UNC5C: variants seen among roughly 807,000 people sequenced by gnomAD.
The protein encoded by UNC5C is netrin receptor UNC5C.
A neutral mutation model predicts 99.8 loss-of-function variants in UNC5C; 47 were observed. That is an observed-to-expected ratio of 0.47 (90% confidence interval 0.37 to 0.60). UNC5C has a LOEUF of 0.60. UNC5C is among the 20% of genes least tolerant of loss of function. The probability of loss-of-function intolerance (pLI) is 0.00; values close to 1 mark genes in which losing one functional copy is unlikely to be tolerated. For synonymous variants in UNC5C, 487 were observed against 452.2 expected, an observed-to-expected ratio of 1.08 and a Z score of -0.98; for missense variants, 1,062 against 1,165.9, an observed-to-expected ratio of 0.91 and a Z score of 1.30.
At chr4:95,192,339 ACCT>A (rs1737171920) in intron 12 of UNC5C, among the ~76,000 whole-genome samples, 1 of 42,994 alleles carries the variant, frequency 2.3e-5, no homozygotes, top group Non-Finnish European at 4.4e-5. Flanking sequence ...TCCCCTGCTC[ACCT>A]TCTCCCCTGC....
chr4:95,272,602 T>C (rs1422823246), intron 4 of UNC5C, among the ~76,000 whole-genome samples: 2 of 152,236 alleles, frequency 1.3e-5, no homozygotes, highest in African/African-American at 4.8e-5. Flanking sequence ...CTTTGGCGAA[T>C]GTTGATTGGA....
chr4:95,369,876 CT>C (rs1225234986), intron 1 of UNC5C, among the ~76,000 whole-genome samples: 1 of 151,422 alleles, frequency 6.6e-6, no homozygotes, highest in Admixed American at 6.6e-5. Flanking sequence ...GATAAAACTG[CT>C]TTTTGTAGCC....
intron 1 of UNC5C, among the ~76,000 whole-genome samples, chr4:95,408,894 C>A (rs1745901074): frequency 6.6e-6 from 1 of 152,166 alleles, no homozygotes; most frequent in African/African-American, 2.4e-5. Flanking sequence ...ATAATACCCC[C>A]TTTCACTTGG....
chr4:95,388,986 C>A (rs1339774994), intron 1 of UNC5C, among the ~76,000 whole-genome samples: 1 of 152,084 alleles, frequency 6.6e-6, no homozygotes, highest in Non-Finnish European at 1.5e-5. Context: ...TGCTATTTAA[C>A]ATTTTTTTCA....
chr4:95,523,762 T>A (rs1167395363), intron 1 of UNC5C, among the ~76,000 whole-genome samples: 1 of 152,170 alleles, frequency 6.6e-6, no homozygotes, highest in East Asian at 1.9e-4. Context: ...CACTTAGCAT[T>A]CCAATTACCA....
intron 4 of UNC5C, among the ~76,000 whole-genome samples, chr4:95,277,633 T>C (rs925671253): frequency 1.3e-5 from 2 of 152,236 alleles, no homozygotes; most frequent in Non-Finnish European, 2.9e-5. Flanking sequence ...GTGTTGCTAA[T>C]GAAAAGTCAT....
At chr4:95,175,613 G>A (rs1160247682) in intron 14 of UNC5C, among the ~76,000 whole-genome samples, 3 of 152,178 alleles carry the variant, frequency 2.0e-5, no homozygotes, top group Admixed American at 6.5e-5. Context: ...TGAGAGATCA[G>A]GTGTTAGTCT....
rs535044232 is a variant in UNC5C, at chr4:95,181,684, G to A, written c.2451+1213C>T. 1.4e-4 allele frequency among the ~76,000 whole-genome samples: 21 copies of A among 152,194 alleles called. No individual in the cohort carries two copies. In the South Asian group the frequency reaches 2.5e-3, roughly 18 times the overall value. ...GAGATCATTCCTTATGAATGTCACC[G>A]GGGGCTGTGACTAAAGTTGTTTATG... On this transcript the variant is annotated intron_variant, in intron 14 of 15. Transcript: ENST00000453304.
intron 1 of UNC5C, among the ~76,000 whole-genome samples, chr4:95,514,796 C>T (rs990397940): frequency 6.6e-6 from 1 of 151,920 alleles, no homozygotes; most frequent in South Asian, 2.1e-4. Context: ...CCTCAGCCTC[C>T]CAAGTAGCTG....
At chr4:95,441,549 C>T (rs1746950868) in intron 1 of UNC5C, among the ~76,000 whole-genome samples, 1 of 152,082 alleles carries the variant, frequency 6.6e-6, no homozygotes. Context: ...AGTTAGCACT[C>T]AATTTTTCTT....
chr4:95,301,832 A>G (rs1233510057), intron 2 of UNC5C, 83 bp from the exon 3 acceptor site: 2 of 1,507,530 alleles, frequency 1.3e-6, no homozygotes, highest in Non-Finnish European at 1.8e-6. Flanking sequence ...TTTTTCCCCC[A>G]GTCATCCCTT....
intron 7 of UNC5C, chr4:95,222,358 A>T: frequency 1.3e-6 from 1 of 743,602 alleles, no homozygotes; most frequent in Non-Finnish European, 2.0e-6. Context: ...GTTTAATTAA[A>T]AGGAAAAGAA....
intron 5 of UNC5C, among the ~76,000 whole-genome samples, chr4:95,247,042 TA>T (rs1739527794): frequency 7.4e-6 from 1 of 135,504 alleles, no homozygotes; most frequent in Admixed American, 7.5e-5. Flanking sequence ...CTGTCTCAAA[TA>T]AAAAAATAAA....
At chr4:95,218,137 A>G (rs1738329799) in intron 9 of UNC5C, among the ~76,000 whole-genome samples, 1 of 152,164 alleles carries the variant, frequency 6.6e-6, no homozygotes, top group African/African-American at 2.4e-5. Flanking sequence ...CACTTTAGGT[A>G]TTTACATTTT....
At chr4:95,260,971 T>G (rs775670292) in intron 4 of UNC5C, among the ~76,000 whole-genome samples, 4 of 152,162 alleles carry the variant, frequency 2.6e-5, no homozygotes, top group South Asian at 2.1e-4. Flanking sequence ...AGAAGAATGA[T>G]GCTCACAGAG....
At position 95,548,818 on chromosome 4, in the gene UNC5C, G is replaced by T. The variant is rs1313721643; in HGVS notation, c.40C>A (p.Leu14Met). The T allele has an allele frequency of 2.5e-6, 4 of 1,613,332 alleles. No individual in the cohort carries two copies. Among genetic ancestry groups the T allele is most frequent in the Non-Finnish European group, 3.4e-6 (4 of 1,179,974 alleles). ...ATTTGCAGCAAGTATCCCAGTCCCA[G>T]TCCGCAGCGGGCCGCTGTCGCCCGC... is the stretch of plus-strand genomic sequence containing the variant. The part of the protein sequence containing the change: ...GLRATAARCG[L>M]GLGYLLQMLV... Residue 14 changes from leucine to methionine, a missense_variant, in exon 1 of 16, where the codon CTG becomes ATG. Coordinates refer to ENST00000453304, the MANE Select transcript of UNC5C (RefSeq NM_003728.4).
intron 2 of UNC5C, among the ~76,000 whole-genome samples, chr4:95,319,758 A>C (rs945419560): frequency 3.3e-5 from 5 of 152,152 alleles, no homozygotes; most frequent in Non-Finnish European, 5.9e-5. Flanking sequence ...CGATTGTGGA[A>C]ATTTTTAACT....
chr4:95,240,162 G>T (rs1211345352), intron 7 of UNC5C, among the ~76,000 whole-genome samples: 1 of 152,208 alleles, frequency 6.6e-6, no homozygotes, highest in Non-Finnish European at 1.5e-5. Context: ...CCTAATTGCT[G>T]ATTACAACTT....
chr4:95,294,608 A>C (rs963938180), intron 3 of UNC5C, among the ~76,000 whole-genome samples: 1 of 152,206 alleles, frequency 6.6e-6, no homozygotes, highest in Non-Finnish European at 1.5e-5. Context: ...AGGCATGGGC[A>C]GAAGGGGTTG....
Sources: allele counts gnomAD v4.1 joint callset (sites outside exome capture counted in the v4.1 genomes callset), GRCh38; gene constraint gnomAD v4.1.1; transcripts MANE v1.5; gene names NCBI Gene and HGNC (gene_info 2026-07-23, HGNC 2026-07-21).